PIKFYVE: variants seen among roughly 807,000 people sequenced by gnomAD.
PIKFYVE encodes the protein 1-phosphatidylinositol 3-phosphate 5-kinase.
Under a neutral mutation model 257.9 loss-of-function variants are expected in PIKFYVE, and 122 were observed. The ratio of observed to expected loss-of-function variants is 0.47; its 90% CI spans 0.41 to 0.55. The LOEUF (loss-of-function observed/expected upper bound fraction) is 0.55. PIKFYVE is among the 20% of genes least tolerant of loss of function. The pLI is 0.00. For synonymous variants in PIKFYVE, 892 were observed against 868.9 expected (o/e 1.03, Z -0.47); for missense variants, 2,160 against 2,536.6 (o/e 0.85, Z 3.19).
chr2:208,284,176 T>A (rs1184466044), intron 5 of PIKFYVE, among the ~76,000 whole-genome samples: 24 of 152,086 alleles, frequency 1.6e-4, no homozygotes. Context: ...TGAAAACTTC[T>A]ATTTGGACAG....
intron 13 of PIKFYVE, 70 bp downstream of exon 13, chr2:208,312,365 A>C: frequency 8.2e-7 from 1 of 1,224,784 alleles, no homozygotes; most frequent in Middle Eastern, 1.9e-4. Flanking sequence ...AGGGCTTAGC[A>C]CATTGATTAG....
At chr2:208,323,616 G>C (rs1696568795) in intron 17 of PIKFYVE, among the ~76,000 whole-genome samples, 1 of 152,106 alleles carries the variant, frequency 6.6e-6, no homozygotes, top group Non-Finnish European at 1.5e-5. Flanking sequence ...AATCCTTTGG[G>C]TATATACCCA....
rs1699758932 is a variant in PIKFYVE at position 208,351,341 on chromosome 2, C to T, written c.5612-11C>T. The T allele has an allele frequency of 1.9e-6, 3 of 1,583,038 alleles. No individual in the cohort carries two copies. The highest frequency in any genetic ancestry group is 1.7e-6 in the Non-Finnish European group (2 of 1,151,888). On this transcript the variant is annotated splice_polypyrimidine_tract_variant and intron_variant, in intron 37 of 41. Coordinates refer to ENST00000264380, the MANE Select transcript of PIKFYVE (RefSeq NM_015040.4). ...GTGATTGAGTAAACACATAAAATTTCTGCCTTTTAGATGATAGATTTATTT... is the reference window on the plus strand; with the variant it reads ...GTGATTGAGTAAACACATAAAATTTTTGCCTTTTAGATGATAGATTTATTT...
chr2:208,323,098 TTTTTA>T (rs1280047487), intron 17 of PIKFYVE, among the ~76,000 whole-genome samples: 10 of 150,668 alleles, frequency 6.6e-5, no homozygotes, highest in Admixed American at 2.0e-4. Flanking sequence ...TTTATTTTAT[TTTTTA>T]TTTTATTATT....
chr2:208,331,192 G>A (rs1199833783), intron 23 of PIKFYVE, among the ~76,000 whole-genome samples: 4 of 151,828 alleles, frequency 2.6e-5, no homozygotes, highest in African/African-American at 9.7e-5. Context: ...GATCTCTATT[G>A]GTTTTTATGC....
rs775104426 is a variant in PIKFYVE, at chr2:208,285,976, T to G, written c.821+43T>G. Reference sequence around the variant, plus strand: ...TAATTTTATTTAGAGTTGAAAAATATCGATAGTTGTCTGACCTTTGAGTGC... The same window carrying G: ...TAATTTTATTTAGAGTTGAAAAATAGCGATAGTTGTCTGACCTTTGAGTGC... On this transcript the variant is annotated intron_variant, in intron 6 of 41. Transcript: ENST00000264380. 5 of 1,568,516 alleles carry G rather than the reference T, an allele frequency of 3.2e-6. No homozygotes were observed. In the South Asian group the frequency reaches 5.6e-5, roughly 17 times the overall value.
At chr2:208,294,869 C>T (rs569008992) in intron 7 of PIKFYVE, among the ~76,000 whole-genome samples, 2 of 152,194 alleles carry the variant, frequency 1.3e-5, no homozygotes, top group Non-Finnish European at 2.9e-5. Context: ...TCTTTATTCT[C>T]TCCCTCTGCT....
rs1288002373 is a variant in PIKFYVE, at chr2:208,333,467, C to G, written c.4116C>G (p.Ser1372=). ...ATCATGATTATCACCAGTATTTCTC[C>G]TATAACCAGATGGTGGCGTCTTTCA... ...SIHHDYHQYF[S]YNQMVASFSY... Residue 1372 remains serine, a synonymous_variant, in exon 24 of 42, where the codon TCC becomes TCG. Coordinates refer to ENST00000264380, the MANE Select transcript of PIKFYVE (RefSeq NM_015040.4). 1 of 1,614,026 alleles carries G rather than the reference C, an allele frequency of 6.2e-7. No homozygotes were observed. The highest frequency in any genetic ancestry group is 1.7e-5 in the Admixed American group (1 of 60,006).
At chr2:208,316,735 C>G (rs1476639506) in intron 15 of PIKFYVE, among the ~76,000 whole-genome samples, 1 of 152,166 alleles carries the variant, frequency 6.6e-6, no homozygotes, top group Non-Finnish European at 1.5e-5. Context: ...TCAAACTATA[C>G]TACAAGGCTA....
chr2:208,272,576 A>T (rs1439542893), intron 2 of PIKFYVE, among the ~76,000 whole-genome samples: 1 of 152,116 alleles, frequency 6.6e-6, no homozygotes, highest in East Asian at 1.9e-4. Flanking sequence ...TTTACTTGGG[A>T]CAAGAATTAA....
At chr2:208,304,340 T>G (rs1574531234) in intron 11 of PIKFYVE, 22 bp downstream of exon 11, 6 of 1,611,624 alleles carry the variant, frequency 3.7e-6, no homozygotes, top group African/African-American at 2.7e-5. Context: ...TTTCTAACAT[T>G]TTAGTTTTGA....
chr2:208,277,789 A>G, intron 5 of PIKFYVE, 81 bp downstream of exon 5: 2 of 1,496,358 alleles, frequency 1.3e-6, no homozygotes, highest in Non-Finnish European at 1.9e-6. Flanking sequence ...GTGTTAAGCC[A>G]ATTTTCATTT....
At chr2:208,288,372 G>A (rs1417098842) in intron 6 of PIKFYVE, among the ~76,000 whole-genome samples, 4 of 152,120 alleles carry the variant, frequency 2.6e-5, no homozygotes, top group African/African-American at 9.7e-5. Context: ...ATTCTAGTGG[G>A]TTATGGGGAC....
At chr2:208,313,918 G>A (rs928418654) in intron 13 of PIKFYVE, among the ~76,000 whole-genome samples, 6 of 152,054 alleles carry the variant, frequency 3.9e-5, no homozygotes, top group African/African-American at 7.2e-5. Context: ...TAACACCCTC[G>A]TTTTTAAAAA....
Position 208,357,843 on chromosome 2 carries a change from A to G in PIKFYVE, c.*2538A>G, listed in dbSNP as rs1468002356. On this transcript the variant is annotated 3_prime_UTR_variant, in exon 42 of 42. Coordinates refer to ENST00000264380, the MANE Select transcript of PIKFYVE (RefSeq NM_015040.4). ...TTAATACTTCCTTCCTTAACATACA[A>G]CATGAGTCCCGAGAATAATTGATAG... 1 of 152,208 alleles carries G rather than the reference A, an allele frequency of 6.6e-6. No individual in the cohort carries two copies. The highest frequency in any genetic ancestry group is 2.4e-5 in the African/African-American group (1 of 41,450). 9.4% of individuals were successfully genotyped at this position (152,208 alleles called of 1,614,324 possible).
chr2:208,306,639 G>T (rs1203709688), intron 12 of PIKFYVE, among the ~76,000 whole-genome samples: 9 of 152,192 alleles, frequency 5.9e-5, no homozygotes, highest in Non-Finnish European at 1.0e-4. Context: ...AGAACATTCG[G>T]AGTGGAATGG....
chr2:208,350,980 A>G (rs774147809), intron 37 of PIKFYVE, 33 bp downstream of exon 37: 2 of 1,612,608 alleles, frequency 1.2e-6, no homozygotes, highest in Admixed American at 1.7e-5. Flanking sequence ...TGATTGGTTC[A>G]GTAGTCTTCA....
chr2:208,322,014 TTTA>T (rs1696302973), intron 17 of PIKFYVE, among the ~76,000 whole-genome samples: 1 of 152,200 alleles, frequency 6.6e-6, no homozygotes. Context: ...GTTAGAGTTA[TTTA>T]TTCAGAGATC....
intron 12 of PIKFYVE, among the ~76,000 whole-genome samples, chr2:208,311,163 C>T (rs1457373978): frequency 6.6e-6 from 1 of 151,960 alleles, no homozygotes; most frequent in African/African-American, 2.4e-5. Flanking sequence ...TTTCTGGAGT[C>T]TCATATAGAT....
Sources: allele counts gnomAD v4.1 joint callset (sites outside exome capture counted in the v4.1 genomes callset), GRCh38; gene constraint gnomAD v4.1.1; transcripts MANE v1.5; gene names NCBI Gene and HGNC (gene_info 2026-07-23, HGNC 2026-07-21).